The following MS4A7 variants were observed in gnomAD, a reference collection of about 807,000 sequenced individuals.
MS4A7 encodes membrane-spanning 4-domains subfamily A member 7.
A neutral mutation model predicts 23.5 loss-of-function variants in MS4A7; 21 were observed. The observed-to-expected ratio is 0.89, with a 90% CI of 0.63 to 1.29. The LOEUF is 1.29. Among genes scored for constraint, MS4A7 ranks in the 50% most tolerant of loss-of-function variants. The pLI, the probability that MS4A7 is intolerant of heterozygous loss-of-function variation, is 0.00. For missense variants in MS4A7, 263 were observed against 274.2 expected (o/e 0.96, Z 0.29); for synonymous variants, 111 against 107.4 (o/e 1.03, Z -0.21).
chr11:60,395,006 G>A lies in MS4A7; in HGVS notation c.*1145G>A, dbSNP rs1403695846. The A allele has an allele frequency of 1.6e-6, 1 of 626,866 alleles. No individual in the cohort carries two copies. The highest frequency in any genetic ancestry group is 2.9e-6 in the Non-Finnish European group (1 of 344,724). The allele number at this position is 626,866 out of a possible 1,614,324, so 38.8% of individuals were successfully genotyped here. On this transcript the variant is annotated 3_prime_UTR_variant, in exon 7 of 7. Transcript: ENST00000300184. ...GTTACAGATAATCTCTGACTGGCAT[G>A]TTTTCTGCTTCTAGCTTGGAGCTAA...
intron 5 of MS4A7, among the ~76,000 whole-genome samples, chr11:60,392,145 A>C (rs2085559895): frequency 6.6e-6 from 1 of 152,102 alleles, no homozygotes; most frequent in African/African-American, 2.4e-5. Flanking sequence ...ACAGAACACA[A>C]CACATTATGT....
intron 3 of MS4A7, 57 bp from the exon 4 acceptor site, chr11:60,386,660 T>C: frequency 7.2e-7 from 1 of 1,380,216 alleles, no homozygotes. Flanking sequence ...GACAGTGACA[T>C]GGTGGGCACA....
rs575275987 is a variant in MS4A7, at chr11:60,382,946, G to A, written c.-13-183G>A. On this transcript the variant is annotated intron_variant, in intron 1 of 6. Coordinates refer to ENST00000300184, the MANE Select transcript of MS4A7 (RefSeq NM_021201.5). ...GACATGCTTCTTGACCACAATGGAT[G>A]AACTGTGCCCAGCATGCCCACTTTC... is the stretch of plus-strand genomic sequence containing the variant. Among the ~76,000 whole-genome samples, 3 of 152,320 alleles carry A rather than the reference G, an allele frequency of 2.0e-5. No homozygotes were observed. In the South Asian group the frequency reaches 6.2e-4, roughly 32 times the overall value.
At chr11:60,380,187 G>A (rs376671836) in intron 1 of MS4A7, among the ~76,000 whole-genome samples, 2 of 152,030 alleles carry the variant, frequency 1.3e-5, no homozygotes, top group Non-Finnish European at 2.9e-5. Flanking sequence ...TCTATTCATC[G>A]GTCAAAGATG....
At chr11:60,387,478 G>GC (rs2085504575) in intron 4 of MS4A7, among the ~76,000 whole-genome samples, 2 of 152,184 alleles carry the variant, frequency 1.3e-5, no homozygotes, top group African/African-American at 4.8e-5. Flanking sequence ...TCAGAAGAGG[G>GC]TGTTGCCGTC....
rs2085471431 is a variant in MS4A7 at position 60,385,139 on chromosome 11, GT to G, written c.204del (p.Phe68LeufsTer16). ...GATTTCAAGTCTGGGGGCCATCTTG[GT>G]TTTTGCTCCCTACCCCTCCCACTTC... is the stretch of plus-strand genomic sequence containing the variant. ...LLISSLGAIL[V>X]FAPYPSHFNP... On this transcript the variant is annotated frameshift_variant, in exon 3 of 7. Transcript: ENST00000300184. LOFTEE classifies it high-confidence loss of function. The G allele has an allele frequency of 6.2e-7, 1 of 1,614,058 alleles. No homozygotes were observed. The highest frequency in any genetic ancestry group is 1.3e-5 in the African/African-American group (1 of 75,024).
chr11:60,381,204 T>C (rs1367167788), intron 1 of MS4A7, among the ~76,000 whole-genome samples: 1 of 152,212 alleles, frequency 6.6e-6, no homozygotes, highest in Admixed American at 6.5e-5. Context: ...TCTCTGGCTT[T>C]AAAGATGTGC....
rs369157287 is a variant in MS4A7 at position 60,393,790 on chromosome 11, T to C, written c.652T>C (p.Ser218Pro). The C allele has an allele frequency of 1.1e-5, 17 of 1,607,806 alleles. No individual in the cohort carries two copies. The African/African-American group carries it at 2.1e-4, about 20-fold the overall frequency. Reference protein sequence around the residue: ...KQLYSNNPGSSFSSTQSQDHI... With the variant: ...KQLYSNNPGSPFSSTQSQDHI... Reference sequence around the variant, plus strand: ...TAACCAATTATGTATTTTCTAGAGTTCATTTTCCTCGACCCAGTCACAAGA... The same window carrying C: ...TAACCAATTATGTATTTTCTAGAGTCCATTTTCCTCGACCCAGTCACAAGA... Residue 218 changes from serine to proline, a missense_variant, in exon 7 of 7, where the codon TCA (serine) becomes CCA (proline). Transcript: ENST00000300184.
Position 60,395,071 on chromosome 11 carries a change from T to C in MS4A7, c.*1210T>C, listed in dbSNP as rs2085600348. ...GAAAAGAATAATGTCTATTTCTTTG[T>C]TTGGGTATTAGCTCTATTTTGATCT... is the stretch of plus-strand genomic sequence containing the variant. On this transcript the variant is annotated 3_prime_UTR_variant, in exon 7 of 7. Transcript: ENST00000300184. The C allele has an allele frequency of 7.6e-6, 4 of 526,636 alleles. No homozygotes were observed. Among genetic ancestry groups the C allele is most frequent in the South Asian group, 2.9e-5 (1 of 34,458 alleles). The allele number at this position is 526,636 out of a possible 1,614,324, so 32.6% of individuals were successfully genotyped here.
Position 60,395,039 on chromosome 11 carries a change from TC to T in MS4A7, c.*1179del, listed in dbSNP as rs2085599936. Reference sequence around the variant, plus strand: ...CTTCTAGCTTGGAGCTAAATGCTGCTCATGCTGAAAAGAATAATGTCTATTT... The same window carrying T: ...CTTCTAGCTTGGAGCTAAATGCTGCTATGCTGAAAAGAATAATGTCTATTT... On this transcript the variant is annotated 3_prime_UTR_variant, in exon 7 of 7. Transcript: ENST00000300184. The T allele has an allele frequency of 8.4e-6, 5 of 594,036 alleles. No individual in the cohort carries two copies. Among genetic ancestry groups the T allele is most frequent in the Middle Eastern group, 5.3e-4 (2 of 3,806 alleles). The allele number at this position is 594,036 out of a possible 1,614,324, so 36.8% of individuals were successfully genotyped here.
Position 60,383,069 on chromosome 11 carries a change from G to A in MS4A7, c.-13-60G>A, listed in dbSNP as rs2085447069. ...AAGTTCCTACAAAGTATGGTCCCTG[G>A]GAAGTTTATGTCTGTAAGTCAAACC... On this transcript the variant is annotated intron_variant, in intron 1 of 6. Transcript: ENST00000300184. 3.9e-6 allele frequency: 6 copies of A among 1,555,410 alleles called. No homozygotes were observed. In the African/African-American group the frequency reaches 4.1e-5, roughly 11 times the overall value.
At chr11:60,379,508 A>G (rs905337159) in intron 1 of MS4A7, among the ~76,000 whole-genome samples, 1 of 151,368 alleles carries the variant, frequency 6.6e-6, no homozygotes, top group African/African-American at 2.4e-5. Context: ...CCTTTTAACC[A>G]TGTGTTTTTT....
chr11:60,384,953 C>T, intron 2 of MS4A7, 135 bp from the exon 3 acceptor site: 1 of 749,498 alleles, frequency 1.3e-6, no homozygotes, highest in East Asian at 2.8e-5. Context: ...TCGATTGGCT[C>T]CTTGTAACAT....
intron 1 of MS4A7, among the ~76,000 whole-genome samples, chr11:60,382,007 T>G (rs984683873): frequency 8.5e-5 from 13 of 152,204 alleles, no homozygotes; most frequent in Admixed American, 2.6e-4. Context: ...ACCAACACAT[T>G]GAGGCAAAAT....
chr11:60,384,952 T>A, intron 2 of MS4A7, 136 bp from the exon 3 acceptor site: 1 of 735,552 alleles, frequency 1.4e-6, no homozygotes, highest in Non-Finnish European at 2.1e-6. Flanking sequence ...ATCGATTGGC[T>A]CCTTGTAACA....
At chr11:60,387,163 G>A (rs1339222221) in intron 4 of MS4A7, among the ~76,000 whole-genome samples, 1 of 152,130 alleles carries the variant, frequency 6.6e-6, no homozygotes, top group African/African-American at 2.4e-5. Flanking sequence ...TGCCTCTTGG[G>A]GTTCTTTTTG....
At chr11:60,388,486 C>T (rs2085514363) in intron 4 of MS4A7, among the ~76,000 whole-genome samples, 3 of 152,162 alleles carry the variant, frequency 2.0e-5, no homozygotes, top group Admixed American at 2.0e-4. Flanking sequence ...ATCCTGGGTT[C>T]TAGACTGCAG....
intron 3 of MS4A7, among the ~76,000 whole-genome samples, chr11:60,386,077 C>G (rs2085483120): frequency 6.6e-6 from 1 of 152,200 alleles, no homozygotes; most frequent in Admixed American, 6.5e-5. Context: ...ATACTGGACC[C>G]TCTTTGCCTG....
chr11:60,385,130 G>C lies in MS4A7; in HGVS notation c.190G>C (p.Ala64Pro), dbSNP rs765765430. Residue 64 changes from alanine (A) to proline (P), a missense_variant, in exon 3 of 7, where the codon GCC becomes CCC. Ala to Pro is a conservative substitution (Grantham distance 27). Transcript: ENST00000300184. ...LCCLLISSLGAILVFAPYPSH... is the reference protein window; with the variant it reads ...LCCLLISSLGPILVFAPYPSH... ...TTGCCTGTTGATTTCAAGTCTGGGG[G>C]CCATCTTGGTTTTTGCTCCCTACCC... is the stretch of plus-strand genomic sequence containing the variant. 1 of 1,613,982 alleles carries C rather than the reference G, an allele frequency of 6.2e-7. No individual in the cohort carries two copies. The highest frequency in any genetic ancestry group is 1.1e-5 in the South Asian group (1 of 91,080).
Sources: allele counts gnomAD v4.1 joint callset (sites outside exome capture counted in the v4.1 genomes callset), GRCh38; gene constraint gnomAD v4.1.1; transcripts MANE v1.5; gene names NCBI Gene and HGNC (gene_info 2026-07-23, HGNC 2026-07-21).